Variants in TMEM132B observed in about 807,000 individuals in gnomAD.
TMEM132B encodes transmembrane protein 132B.
A neutral mutation model predicts 90.8 loss-of-function variants in TMEM132B; 18 were observed. The observed-to-expected ratio is 0.20, with a 90% CI of 0.14 to 0.29. The LOEUF is 0.29. Among genes scored for constraint, TMEM132B ranks in the 10% least tolerant of loss-of-function variants. TMEM132B has a pLI of 1.00. For synonymous variants in TMEM132B, 504 were observed against 523.3 expected (o/e 0.96, Z 0.50); for missense variants, 1,096 against 1,326.8 (o/e 0.83, Z 2.70).
intron 6 of TMEM132B, among the ~76,000 whole-genome samples, chr12:125,649,317 G>A (rs978172366): frequency 6.6e-6 from 1 of 152,160 alleles, no homozygotes; most frequent in Non-Finnish European, 1.5e-5. Flanking sequence ...CTCTGAGCCT[G>A]GTTTCTTTAT....
intron 2 of TMEM132B, among the ~76,000 whole-genome samples, chr12:125,356,099 A>C (rs1444842687): frequency 1.3e-5 from 2 of 152,176 alleles, no homozygotes; most frequent in African/African-American, 4.8e-5. Context: ...TGCCCCCTCC[A>C]AATATAATAT....
chr12:125,415,658 C>A lies in TMEM132B; in HGVS notation c.1087C>A (p.Arg363Ser), dbSNP rs372738030. The A allele has an allele frequency of 1.2e-6, 2 of 1,614,000 alleles. No individual in the cohort carries two copies. Among genetic ancestry groups the A allele is most frequent in the African/African-American group, 1.3e-5 (1 of 74,910 alleles). ...GGCCACCCTCACCTGCATGGGCCAT[C>A]GCCCGGACACGCAGAGCAGGTAAGC... The part of the protein sequence containing the change: ...TSATLTCMGH[R>S]PDTQSRVNGS... Residue 363 changes from arginine (R) to serine (S), a missense_variant, in exon 3 of 9, where the codon CGC (arginine) becomes AGC (serine). Transcript: ENST00000682704. The surrounding 1 kb of genome is among the most constrained non-coding windows in gnomAD (Gnocchi z 5.3).
At chr12:125,595,153 T>C (rs1280278758) in intron 5 of TMEM132B, among the ~76,000 whole-genome samples, 2 of 152,148 alleles carry the variant, frequency 1.3e-5, no homozygotes, top group East Asian at 1.9e-4. Flanking sequence ...AATGTGCTGG[T>C]TTATTGCCCT....
At chr12:125,476,134 C>A (rs1250787433) in intron 3 of TMEM132B, among the ~76,000 whole-genome samples, 3 of 152,036 alleles carry the variant, frequency 2.0e-5, no homozygotes, top group Non-Finnish European at 2.9e-5. Context: ...AAAGAACTGG[C>A]CATTTTGGTA....
intron 5 of TMEM132B, among the ~76,000 whole-genome samples, chr12:125,608,890 T>A (rs1044336391): frequency 5.9e-5 from 9 of 152,180 alleles, no homozygotes; most frequent in African/African-American, 1.9e-4. Context: ...ATTAGTCTGT[T>A]CTCATGCTGC....
rs1879522941 is a variant in TMEM132B at position 125,407,265 on chromosome 12, A to G, written c.960-8266A>G. Among the ~76,000 whole-genome samples, 3 of 152,370 alleles carry G rather than the reference A, an allele frequency of 2.0e-5. No homozygotes were observed. In the South Asian group the frequency reaches 6.2e-4, roughly 32 times the overall value. On this transcript the variant is annotated intron_variant, in intron 2 of 8. Coordinates refer to ENST00000682704, the MANE Select transcript of TMEM132B (RefSeq NM_001366854.1). This position sits in a 1 kb window ranked among gnomAD's most constrained non-coding sequence, Gnocchi z 6.7. ...CTTAAAAGTTAGTTCTCAGGAGGTG[A>G]AGGCAAAGGCCAGACCTCTCTTCGG...
At chr12:125,589,595 T>C (rs1395977682) in intron 5 of TMEM132B, among the ~76,000 whole-genome samples, 1 of 151,964 alleles carries the variant, frequency 6.6e-6, no homozygotes, top group African/African-American at 2.4e-5. Flanking sequence ...GGTTCTGATC[T>C]GCTCAGCTTC....
At chr12:125,521,484 T>C (rs1454193632) in intron 4 of TMEM132B, among the ~76,000 whole-genome samples, 1 of 152,170 alleles carries the variant, frequency 6.6e-6, no homozygotes, top group African/African-American at 2.4e-5. Flanking sequence ...AATCCCTCTG[T>C]AGTTAGAACA....
intron 5 of TMEM132B, among the ~76,000 whole-genome samples, chr12:125,597,941 A>G (rs1885480818): frequency 6.6e-6 from 1 of 152,184 alleles, no homozygotes; most frequent in Non-Finnish European, 1.5e-5. Context: ...GCCACCATAA[A>G]TGTGATCTTT....
At chr12:125,529,908 C>T (rs1002458689) in intron 4 of TMEM132B, among the ~76,000 whole-genome samples, 3 of 152,156 alleles carry the variant, frequency 2.0e-5, no homozygotes, top group African/African-American at 2.4e-5. Context: ...TTAGCCAGAA[C>T]GTTATCTTTC....
intron 4 of TMEM132B, among the ~76,000 whole-genome samples, chr12:125,565,664 T>C (rs932308935): frequency 6.6e-6 from 1 of 152,206 alleles, no homozygotes; most frequent in Non-Finnish European, 1.5e-5. Context: ...GGCTGTCCAG[T>C]GGCCGATGTC....
At chr12:125,463,064 C>T (rs1881481023) in intron 3 of TMEM132B, among the ~76,000 whole-genome samples, 1 of 152,146 alleles carries the variant, frequency 6.6e-6, no homozygotes, top group Admixed American at 6.5e-5. Flanking sequence ...TGAAAGTTTG[C>T]AGGGTAATAA....
intron 3 of TMEM132B, among the ~76,000 whole-genome samples, chr12:125,436,971 G>C (rs1168759579): frequency 6.6e-6 from 1 of 152,160 alleles, no homozygotes; most frequent in Non-Finnish European, 1.5e-5. Flanking sequence ...CTCAAGCCAG[G>C]TCATCTCTAG....
At position 125,492,598 on chromosome 12, in the gene TMEM132B, G is replaced by C. The variant is rs1047623170; in HGVS notation, c.1107-26841G>C. The stretch of plus-strand genomic sequence containing the variant: ...AGGCAGGTGCGTCCAGGGGCCCTGG[G>C]TGAGGAGGCTACGGCAGCCTCGGGT... On this transcript the variant is annotated intron_variant, in intron 3 of 8. Coordinates refer to ENST00000682704, the MANE Select transcript of TMEM132B (RefSeq NM_001366854.1). The surrounding 1 kb of genome is among the most constrained non-coding windows in gnomAD (Gnocchi z 5.8). Among the ~76,000 whole-genome samples, 1 of 152,166 alleles carries C rather than the reference G, an allele frequency of 6.6e-6. No homozygotes were observed. Among genetic ancestry groups the C allele is most frequent in the Non-Finnish European group, 1.5e-5 (1 of 68,022 alleles).
intron 2 of TMEM132B, among the ~76,000 whole-genome samples, chr12:125,365,571 AATT>A (rs1878104435): frequency 6.6e-6 from 1 of 152,002 alleles, no homozygotes; most frequent in Admixed American, 6.6e-5. Context: ...TTCTCTTGGC[AATT>A]TTTTGAAGTA....
intron 1 of TMEM132B, among the ~76,000 whole-genome samples, chr12:125,249,781 G>A (rs1192374204): frequency 1.3e-5 from 2 of 152,242 alleles, no homozygotes; most frequent in African/African-American, 4.8e-5. Context: ...TTCAGAGCTC[G>A]TGGTCTGACA....
At chr12:125,508,801 C>G (rs1015142593) in intron 3 of TMEM132B, among the ~76,000 whole-genome samples, 1 of 139,648 alleles carries the variant, frequency 7.2e-6, no homozygotes, top group Non-Finnish European at 1.5e-5. Context: ...TTTTTAGAGA[C>G]AGAGTCTCAC....
At chr12:125,211,364 T>C (rs1233694314) in intron 1 of TMEM132B, among the ~76,000 whole-genome samples, 1 of 152,216 alleles carries the variant, frequency 6.6e-6, no homozygotes, top group Non-Finnish European at 1.5e-5. Context: ...GCCCCAAATA[T>C]GTGTTCCCCA....
chr12:125,471,029 C>T (rs147258421), intron 3 of TMEM132B, among the ~76,000 whole-genome samples: 48 of 152,360 alleles, frequency 3.2e-4, no homozygotes, highest in African/African-American at 9.4e-4. Context: ...CTGGGACAGC[C>T]GGGAGCTGGC....
Sources: gnomAD v4.1 joint callset for allele counts (sites outside exome capture counted in the v4.1 genomes callset) on GRCh38, gnomAD v4.1.1 for gene constraint, Gnocchi (gnomAD v3.1) non-coding constraint, MANE v1.5 for transcripts, NCBI Gene and HGNC (gene_info 2026-07-23, HGNC 2026-07-21) for gene names.